Variants in KRT2 observed in about 807,000 individuals in gnomAD.
The protein encoded by KRT2 is keratin 2.
In KRT2, 37 loss-of-function variants were observed where a neutral mutation model predicts 48.5. The ratio of observed to expected loss-of-function variants is 0.76; its 90% CI spans 0.59 to 1.00. KRT2 has a LOEUF of 1.00. KRT2 is among the 50% of genes least tolerant of loss of function. The pLI is 0.00. For synonymous variants in KRT2, 324 were observed against 312.2 expected (o/e 1.04, Z -0.40); for missense variants, 880 against 815.2 (o/e 1.08, Z -0.97).
In KRT2 at chr12:52,650,473, G is replaced by T; in HGVS notation, c.666C>A (p.Pro222=). The change falls in exon 2 of 9, where the codon CCC becomes CCA. Residue 222 remains proline, a synonymous_variant. Transcript: ENST00000309680. Reference sequence around the variant, plus strand: ...CCTGGAAGATGGGCTCCAGGTTGATGGGGCGGGTGCCAACATTCATTTGTT... The same window carrying T: ...CCTGGAAGATGGGCTCCAGGTTGATTGGGCGGGTGCCAACATTCATTTGTT... ...LLQQMNVGTR[P]INLEPIFQGY... 6.2e-7 allele frequency: 1 copy of T among 1,613,980 alleles called. No individual in the cohort carries two copies. The highest frequency in any genetic ancestry group is 8.5e-7 in the Non-Finnish European group (1 of 1,180,018).
chr12:52,648,881 A>G (rs1941207949), intron 4 of KRT2, 126 bp downstream of exon 4: 2 of 721,132 alleles, frequency 2.8e-6, no homozygotes, highest in African/African-American at 1.7e-5. Context: ...GTGGCCTGGA[A>G]TGATGGCAGA....
chr12:52,651,663 C>T lies in KRT2; in HGVS notation c.480G>A (p.Leu160=), dbSNP rs1941249646. The T allele has an allele frequency of 6.2e-7, 1 of 1,614,114 alleles. No homozygotes were observed. Among genetic ancestry groups the T allele is most frequent in the Non-Finnish European group, 8.5e-7 (1 of 1,180,006 alleles). ...GGTCAACTTTCACGTTGAGAGGCTGCAGGAGGCTCTGGTTGACAGAGACTT... is the reference window on the plus strand; with the variant it reads ...GGTCAACTTTCACGTTGAGAGGCTGTAGGAGGCTCTGGTTGACAGAGACTT... ...IHEVSVNQSL[L]QPLNVKVDPE... The change falls in exon 1 of 9, where the codon CTG becomes CTA. Residue 160 remains leucine (L), a synonymous_variant. Coordinates refer to ENST00000309680, the MANE Select transcript of KRT2 (RefSeq NM_000423.3).
Position 52,650,441 on chromosome 12 carries a change from A to C in KRT2, c.698T>G (p.Ile233Ser). 1 of 1,614,162 alleles carries C rather than the reference A, an allele frequency of 6.2e-7. No homozygotes were observed. The highest frequency in any genetic ancestry group is 1.1e-5 in the South Asian group (1 of 91,084). ...ATCCAGATATCTCTTGAGGCTGTCG[A>C]TATACCCCTGGAAGATGGGCTCCAG... is the stretch of plus-strand genomic sequence containing the variant. ...INLEPIFQGY[I>S]DSLKRYLDGL... Residue 233 changes from isoleucine (I) to serine (S), a missense_variant, in exon 2 of 9, where the codon ATC becomes AGC. Coordinates refer to ENST00000309680, the MANE Select transcript of KRT2 (RefSeq NM_000423.3).
At chr12:52,647,700 C>T (rs899159211) in intron 6 of KRT2, 30 bp downstream of exon 6, 16 of 1,612,130 alleles carry the variant, frequency 9.9e-6, no homozygotes, top group African/African-American at 1.3e-5. Flanking sequence ...GACAACCTCC[C>T]GCCCCTCGCT....
Position 52,648,995 on chromosome 12 carries a change from C to A in KRT2, c.957+12G>T, listed in dbSNP as rs1236456122. ...TGGGAAGTAAGGGACTGTCCCGGAG[C>A]AGCCTCCTTACCGCATCATAGAGAA... is the stretch of plus-strand genomic sequence containing the variant. On this transcript the variant is annotated intron_variant, in intron 4 of 8. Transcript: ENST00000309680. The A allele has an allele frequency of 1.4e-5, 21 of 1,532,400 alleles. No homozygotes were observed. Among genetic ancestry groups the A allele is most frequent in the African/African-American group, 6.8e-5 (5 of 73,292 alleles). The allele number at this position is 1,532,400 out of a possible 1,614,324, so 94.9% of individuals were successfully genotyped here. A position where few individuals can be genotyped will look rare whatever the true frequency, so the allele number is the denominator to read the frequency against.
At chr12:52,650,635 G>A in intron 1 of KRT2, 82 bp from the exon 2 acceptor site, 2 of 1,168,968 alleles carry the variant, frequency 1.7e-6, no homozygotes, top group African/African-American at 1.5e-5. Context: ...GGCAGCTCAG[G>A]TGCTGCTTCA....
At chr12:52,646,573 T>C (rs935427626) in intron 7 of KRT2, among the ~76,000 whole-genome samples, 167 bp downstream of exon 7, 4 of 152,224 alleles carry the variant, frequency 2.6e-5, no homozygotes, top group South Asian at 4.1e-4. Flanking sequence ...TCTCCAATCA[T>C]GCTTTATGTC....
At chr12:52,647,578 T>G in intron 6 of KRT2, 152 bp downstream of exon 6, 1 of 869,972 alleles carries the variant, frequency 1.1e-6, no homozygotes, top group Non-Finnish European at 1.9e-6. Flanking sequence ...AAGCCATAAA[T>G]TATGTTAAGC....
chr12:52,645,696 C>T, intron 7 of KRT2, 127 bp from the exon 8 acceptor site: 1 of 871,830 alleles, frequency 1.1e-6, no homozygotes, highest in Admixed American at 1.9e-5. Context: ...CTTACACACC[C>T]CACTTTCTTC....
chr12:52,648,824 GGAGAAAATTCCT>G (rs1263381575), intron 4 of KRT2, among the ~76,000 whole-genome samples, 171 bp downstream of exon 4: 3 of 152,112 alleles, frequency 2.0e-5, no homozygotes, highest in Non-Finnish European at 4.4e-5. Flanking sequence ...TAACATCGGA[GGAGAAAATTCCT>G]CACCCACAAG....
At chr12:52,648,923 T>G (rs1162764424) in intron 4 of KRT2, 84 bp downstream of exon 4, 1 of 905,018 alleles carries the variant, frequency 1.1e-6, no homozygotes, top group East Asian at 2.4e-5. Flanking sequence ...ACCCCACTTC[T>G]GCCACTTTTT....
In KRT2 at chr12:52,645,306, G is replaced by A. The variant is rs750304383; in HGVS notation, c.1633C>T (p.Gln545Ter). 2.5e-6 allele frequency: 4 copies of A among 1,614,014 alleles called. No individual in the cohort carries two copies. Among genetic ancestry groups the A allele is most frequent in the Admixed American group, 1.7e-5 (1 of 60,014 alleles). The change falls in exon 9 of 9, where the codon CAG (glutamine) becomes TAG (stop). Residue 545 changes from glutamine (Q) to a stop codon, truncating the protein, a stop_gained. Transcript: ENST00000309680. LOFTEE classifies it low-confidence loss of function (END_TRUNC). Reference sequence around the variant, plus strand: ...CCACTACCGCCTCTGGAGCCAGACTGTCGGCCTCCAGAGCCATAACTGCTG... The same window carrying A: ...CCACTACCGCCTCTGGAGCCAGACTATCGGCCTCCAGAGCCATAACTGCTG... The part of the protein sequence containing the change: ...GSSSYGSGGR[Q>*]SGSRGGSGGG...
chr12:52,647,873 G>T lies in KRT2; in HGVS notation c.1123-18C>A, dbSNP rs779236784. The T allele has an allele frequency of 6.2e-7, 1 of 1,614,024 alleles. No homozygotes were observed. The highest frequency in any genetic ancestry group is 8.5e-7 in the Non-Finnish European group (1 of 1,179,976). On this transcript the variant is annotated intron_variant, in intron 5 of 8. Transcript: ENST00000309680. Reference sequence around the variant, plus strand: ...TCCTCATACTGATATGGGGAGAAGAGGACAGTTTGCAAGGAAGTTCCAGCC... The same window carrying T: ...TCCTCATACTGATATGGGGAGAAGATGACAGTTTGCAAGGAAGTTCCAGCC...
At chr12:52,648,647 G>A (rs1483219670) in intron 4 of KRT2, among the ~76,000 whole-genome samples, 1 of 152,168 alleles carries the variant, frequency 6.6e-6, no homozygotes, top group Non-Finnish European at 1.5e-5. Flanking sequence ...GAAATCATCT[G>A]TGCACCCTTG....
intron 7 of KRT2, 130 bp from the exon 8 acceptor site, chr12:52,645,699 C>A (rs1042872688): frequency 1.6e-5 from 14 of 853,428 alleles, no homozygotes; most frequent in South Asian, 1.4e-4. Flanking sequence ...ACACACCCCA[C>A]TTTCTTCTAT....
intron 2 of KRT2, 114 bp from the exon 3 acceptor site, chr12:52,650,088 T>A: frequency 1.2e-6 from 1 of 836,446 alleles, no homozygotes; most frequent in Non-Finnish European, 2.1e-6. Context: ...TTACACACTT[T>A]TTAAATATCT....
Position 52,648,229 on chromosome 12 carries a change from A to G in KRT2, c.1066T>C (p.Tyr356His), listed in dbSNP as rs766282919. Residue 356 changes from tyrosine to histidine, a missense_variant, in exon 5 of 9, where the codon TAT becomes CAT. Physicochemically the swap from Tyr to His is moderately conservative, Grantham distance 83. Coordinates refer to ENST00000309680, the MANE Select transcript of KRT2 (RefSeq NM_000423.3). ...TTGCTCCTCTGGGCGATCTCCTCAT[A>G]CTGGGCCTTGACCTCGGCGATGATG... ...DSIIAEVKAQ[Y>H]EEIAQRSKEE... 7 of 1,614,012 alleles carry G rather than the reference A, an allele frequency of 4.3e-6. No homozygotes were observed. In the South Asian group the frequency reaches 6.6e-5, roughly 15 times the overall value.
At position 52,645,191 on chromosome 12, in the gene KRT2, G is replaced by T. The variant is rs968792157; in HGVS notation, c.1748C>A (p.Ser583Tyr). The T allele has an allele frequency of 6.2e-7, 1 of 1,613,782 alleles. No individual in the cohort carries two copies. Among genetic ancestry groups the T allele is most frequent in the Non-Finnish European group, 8.5e-7 (1 of 1,179,956 alleles). The change falls in exon 9 of 9, where the codon TCC becomes TAC. Residue 583 changes from serine (S) to tyrosine (Y), a missense_variant. Coordinates refer to ENST00000309680, the MANE Select transcript of KRT2 (RefSeq NM_000423.3). Reference sequence around the variant, plus strand: ...AGAGCCATATCCTCCTCCAGAGATGGACCCTCCCTTAGAGCCACCACCAGA... The same window carrying T: ...AGAGCCATATCCTCCTCCAGAGATGTACCCTCCCTTAGAGCCACCACCAGA... ...YGSGGGSKGG[S>Y]ISGGGYGSGG... is the part of the protein sequence containing the mutation.
chr12:52,649,489 C>A (rs1941217239), intron 3 of KRT2, among the ~76,000 whole-genome samples: 1 of 152,178 alleles, frequency 6.6e-6, no homozygotes, highest in Non-Finnish European at 1.5e-5. Context: ...GAATATACAC[C>A]AAAGGCCCTG....
Sources: allele counts gnomAD v4.1 joint callset (sites outside exome capture counted in the v4.1 genomes callset), GRCh38; gene constraint gnomAD v4.1.1; transcripts MANE v1.5; gene names NCBI Gene and HGNC (gene_info 2026-07-23, HGNC 2026-07-21).